The following RUNX1 variants were observed in gnomAD, a reference collection of about 807,000 sequenced individuals.
RUNX1 encodes the protein RUNX family transcription factor 1, also known as runt-related transcription factor 1.
In RUNX1, 19 loss-of-function variants were observed where a neutral mutation model predicts 42.8. The observed-to-expected ratio is 0.44, with a 90% CI of 0.31 to 0.65. RUNX1 has a LOEUF of 0.65. Among genes scored for constraint, RUNX1 ranks in the 30% least tolerant of loss-of-function variants. The pLI, the probability that RUNX1 is intolerant of heterozygous loss-of-function variation, is 0.07. For synonymous variants in RUNX1, 271 were observed against 289.4 expected (o/e 0.94, Z 0.64); for missense variants, 528 against 672.0 (o/e 0.79, Z 2.37).
chr21:34,837,220 G>T (rs1245715169), intron 6 of RUNX1, among the ~76,000 whole-genome samples: 3 of 152,110 alleles, frequency 2.0e-5, no homozygotes, highest in African/African-American at 7.2e-5. Flanking sequence ...GGAGTCTCAG[G>T]GCTGAGTTTA....
chr21:34,848,669 A>AGGTAATCGGCCCACCTCG (rs1453811571), intron 6 of RUNX1, among the ~76,000 whole-genome samples: 1 of 152,184 alleles, frequency 6.6e-6, no homozygotes, highest in African/African-American at 2.4e-5. Flanking sequence ...TCCTGACCTC[A>AGGTAATCGGCCCACCTCG]GGTAATCGGC....
chr21:34,796,352 T>C (rs2056527593), intron 8 of RUNX1, among the ~76,000 whole-genome samples: 1 of 152,242 alleles, frequency 6.6e-6, no homozygotes. Context: ...TCAAATGCTA[T>C]ATTCAAATGT....
At chr21:35,009,764 A>G (rs1367883364) in intron 2 of RUNX1, among the ~76,000 whole-genome samples, 4 of 152,224 alleles carry the variant, frequency 2.6e-5, no homozygotes, top group Non-Finnish European at 5.9e-5. Context: ...GTGACTGAGT[A>G]AAAAATATGG....
At position 34,930,610 on chromosome 21, in the gene RUNX1, T is replaced by G. The variant is rs575431482; in HGVS notation, c.59-37647A>C. ...GACTATTTACATAATCGTGGAAATT[T>G]CTGTTGCACCACTTAGAGTCCAGAG... On this transcript the variant is annotated intron_variant, in intron 2 of 8. Transcript: ENST00000675419. 1.1e-3 allele frequency among the ~76,000 whole-genome samples: 165 copies of G among 152,106 alleles called. 1 individual carries two copies. The highest frequency in any genetic ancestry group is 3.8e-3 in the African/African-American group (159 of 41,454).
chr21:35,026,510 TTC>T (rs1425679840), intron 2 of RUNX1, among the ~76,000 whole-genome samples: 1 of 152,214 alleles, frequency 6.6e-6, no homozygotes, highest in Non-Finnish European at 1.5e-5. Context: ...CTTTCTGTAT[TTC>T]TTTCTTTCTT....
chr21:35,038,836 C>A, intron 2 of RUNX1: 2 of 438,256 alleles, frequency 4.6e-6, no homozygotes, highest in Non-Finnish European at 9.3e-6. Context: ...TGGCCGAGGC[C>A]ATCTCTGAAC....
At chr21:34,841,967 A>G (rs2057242915) in intron 6 of RUNX1, among the ~76,000 whole-genome samples, 1 of 152,208 alleles carries the variant, frequency 6.6e-6, no homozygotes, top group South Asian at 2.1e-4. Context: ...TCCAGCACCT[A>G]TAAAACCAAC....
chr21:35,042,862 T>C (rs1045837004), intron 2 of RUNX1, among the ~76,000 whole-genome samples: 9 of 152,234 alleles, frequency 5.9e-5, no homozygotes, highest in African/African-American at 2.2e-4. Flanking sequence ...CCTTACTCTT[T>C]CTGTCACTGC....
At chr21:34,832,012 AATTC>A (rs1368036117) in intron 7 of RUNX1, among the ~76,000 whole-genome samples, 2 of 152,232 alleles carry the variant, frequency 1.3e-5, no homozygotes, top group Admixed American at 1.3e-4. Context: ...CTGAATATCA[AATTC>A]ATATTTTGGA....
chr21:34,855,710 A>AAAAC (rs1275302847), intron 6 of RUNX1, among the ~76,000 whole-genome samples: 25 of 152,302 alleles, frequency 1.6e-4, no homozygotes, highest in East Asian at 5.8e-4. Context: ...CTCTGTCTCA[A>AAAAC]AAACAAACAA....
In RUNX1 at chr21:34,792,393, C is replaced by CGG. The variant is rs1569002222; in HGVS notation, c.1183_1184dup (p.Phe396ArgfsTer199). 1 of 1,565,958 alleles carries CGG rather than the reference C, an allele frequency of 6.4e-7. No individual in the cohort carries two copies. The highest frequency in any genetic ancestry group is 1.2e-5 in the South Asian group (1 of 85,324). On this transcript the variant is annotated frameshift_variant, in exon 9 of 9. Transcript: ENST00000675419. LOFTEE classifies it high-confidence loss of function. This position sits in a 1 kb window ranked among gnomAD's most constrained non-coding sequence, Gnocchi z 6.9. ...GGTAGGAGGGCGAGCTGGCTTGGAA[C>CGG]GGGCCTCCCTGCGCTTGCGACGAGC...
chr21:34,863,711 C>A (rs1007382776), intron 5 of RUNX1, among the ~76,000 whole-genome samples: 1 of 151,966 alleles, frequency 6.6e-6, no homozygotes, highest in Non-Finnish European at 1.5e-5. Context: ...CATACCACCA[C>A]ACCCAGCTAA....
At chr21:34,834,881 A>C (rs990779257) in intron 6 of RUNX1, among the ~76,000 whole-genome samples, 1 of 152,044 alleles carries the variant, frequency 6.6e-6, no homozygotes, top group Non-Finnish European at 1.5e-5. Flanking sequence ...TCCAATGGGC[A>C]CAACTCACTG....
intron 6 of RUNX1, among the ~76,000 whole-genome samples, chr21:34,851,876 C>G (rs2057424023): frequency 2.0e-5 from 3 of 152,268 alleles, no homozygotes; most frequent in South Asian, 4.1e-4. Context: ...CTTAGAAAAT[C>G]TCAGTGGTGG....
At chr21:34,952,209 T>C (rs6517266) in intron 2 of RUNX1, among the ~76,000 whole-genome samples, 28,760 of 151,830 alleles carry the variant, frequency 0.19, 5,959 homozygotes, top group African/African-American at 0.52. Context: ...AGGAACATCA[T>C]CCACCGGGGC....
intron 2 of RUNX1, among the ~76,000 whole-genome samples, chr21:34,982,786 T>C (rs976940640): frequency 1.3e-5 from 2 of 152,208 alleles, no homozygotes; most frequent in Non-Finnish European, 2.9e-5. Flanking sequence ...GTCAGGCTGG[T>C]CTTGACCTCC....
chr21:34,938,424 T>C (rs1369139550), intron 2 of RUNX1, among the ~76,000 whole-genome samples: 2 of 152,180 alleles, frequency 1.3e-5, no homozygotes, highest in African/African-American at 4.8e-5. Flanking sequence ...ATTCTCTCAG[T>C]CTAATATCTT....
At chr21:34,799,566 T>C in intron 7 of RUNX1, 104 bp from the exon 8 acceptor site, 7 of 996,262 alleles carry the variant, frequency 7.0e-6, no homozygotes, top group Non-Finnish European at 1.1e-5. Context: ...GTCACATACA[T>C]GTATGTGGCC....
chr21:34,962,209 T>C (rs375470074), intron 2 of RUNX1, among the ~76,000 whole-genome samples: 2 of 152,230 alleles, frequency 1.3e-5, no homozygotes, highest in East Asian at 3.8e-4. Context: ...TGTATTTAAA[T>C]TCTTTTTTTT....
Sources: gnomAD v4.1 joint callset for allele counts (sites outside exome capture counted in the v4.1 genomes callset) on GRCh38, gnomAD v4.1.1 for gene constraint, Gnocchi (gnomAD v3.1) non-coding constraint, MANE v1.5 for transcripts, NCBI Gene and HGNC (gene_info 2026-07-23, HGNC 2026-07-21) for gene names.